Variants in PCDHGB4 observed in about 807,000 individuals in gnomAD.
PCDHGB4 encodes the protein protocadherin gamma-B4.
In PCDHGB4, 38 loss-of-function variants were observed where a neutral mutation model predicts 60.5. The ratio of observed to expected loss-of-function variants is 0.63; its 90% CI spans 0.48 to 0.82. The LOEUF is 0.82. Ranked by LOEUF, PCDHGB4 falls within the 40% of genes least tolerant of loss-of-function variation. The pLI is 0.00. For missense variants in PCDHGB4, 1,109 were observed against 1,209.6 expected (o/e 0.92, Z 1.23); for synonymous variants, 456 against 509.7 (o/e 0.89, Z 1.42).
Position 141,476,023 on chromosome 5 carries a change from G to A in PCDHGB4, c.2398-18784G>A. 1 of 1,415,690 alleles carries A rather than the reference G, an allele frequency of 7.1e-7. No homozygotes were observed. The highest frequency in any genetic ancestry group is 2.3e-5 in the Admixed American group (1 of 43,980). 87.7% of individuals were successfully genotyped at this position (1,415,690 alleles called of 1,614,324 possible). A position where few individuals can be genotyped will look rare whatever the true frequency, so the allele number is the denominator to read the frequency against. ...CATCCAGAAAGCCATGTCGGACTCG[G>A]CGCCCAGCGCCCAAGCGCTAACCCG... On this transcript the variant is annotated intron_variant, in intron 1 of 3. Coordinates refer to ENST00000519479, the MANE Select transcript of PCDHGB4 (RefSeq NM_003736.4). This position sits in a 1 kb window ranked among gnomAD's most constrained non-coding sequence, Gnocchi z 7.6.
intron 2 of PCDHGB4, among the ~76,000 whole-genome samples, chr5:141,496,104 G>A (rs950960102): frequency 6.8e-6 from 1 of 146,980 alleles, no homozygotes; most frequent in African/African-American, 2.5e-5. Context: ...CCAACACCCC[G>A]CTCTCTTCCT....
chr5:141,399,112 G>A, intron 1 of PCDHGB4: 1 of 1,613,794 alleles, frequency 6.2e-7, no homozygotes, highest in African/African-American at 1.3e-5. Context: ...ACAATGTACA[G>A]TTGAAATTAA....
At chr5:141,507,704 G>A (rs989196400) in intron 3 of PCDHGB4, among the ~76,000 whole-genome samples, 5 of 152,210 alleles carry the variant, frequency 3.3e-5, no homozygotes, top group African/African-American at 9.6e-5. Context: ...AGTATTTATG[G>A]CCCCAAACCC....
At chr5:141,445,070 A>G (rs185808898) in intron 1 of PCDHGB4, among the ~76,000 whole-genome samples, 30 of 152,306 alleles carry the variant, frequency 2.0e-4, no homozygotes, top group African/African-American at 7.2e-4. Context: ...TATATTTCTC[A>G]TTAAATTGTC....
intron 1 of PCDHGB4, among the ~76,000 whole-genome samples, chr5:141,453,974 T>C (rs1386640440): frequency 6.6e-6 from 1 of 152,242 alleles, no homozygotes; most frequent in Non-Finnish European, 1.5e-5. Flanking sequence ...CATGTAGTTG[T>C]GTTGCCTTCC....
intron 1 of PCDHGB4, chr5:141,415,797 C>G (rs940812419): frequency 3.9e-5 from 52 of 1,331,434 alleles, no homozygotes; most frequent in Non-Finnish European, 4.8e-5. Context: ...TTCACCTAGT[C>G]TCAATCAAGG....
rs546494803 is a variant in PCDHGB4 at position 141,425,207 on chromosome 5, G to C, written c.2397+34926G>C. Among the ~76,000 whole-genome samples, 7 of 152,120 alleles carry C rather than the reference G, an allele frequency of 4.6e-5. No homozygotes were observed. In the East Asian group the frequency reaches 1.2e-3, roughly 25 times the overall value. ...TCCAAACTGAGAAAAATGATGTAAG[G>C]CATTGTACTTTGACTGGAATTAGTT... On this transcript the variant is annotated intron_variant, in intron 1 of 3. Transcript: ENST00000519479.
intron 1 of PCDHGB4, among the ~76,000 whole-genome samples, chr5:141,481,194 T>C (rs74538051): frequency 0.017 from 2,576 of 152,298 alleles, 78 homozygotes; most frequent in African/African-American, 0.059. Context: ...CCAGGCCCAA[T>C]TTTTTTAAAA....
chr5:141,432,126 C>T lies in PCDHGB4; in HGVS notation c.2397+41845C>T. ...AACCCGCCGGTCTTCCCTCAGGCCTCCTATTCCGCTTATATCCCAGAGAAC... is the reference window on the plus strand; with the variant it reads ...AACCCGCCGGTCTTCCCTCAGGCCTTCTATTCCGCTTATATCCCAGAGAAC... On this transcript the variant is annotated intron_variant, in intron 1 of 3. Coordinates refer to ENST00000519479, the MANE Select transcript of PCDHGB4 (RefSeq NM_003736.4). This position sits in a 1 kb window ranked among gnomAD's most constrained non-coding sequence, Gnocchi z 6.0. The T allele has an allele frequency of 1.2e-6, 2 of 1,614,144 alleles. No homozygotes were observed. Among genetic ancestry groups the T allele is most frequent in the Non-Finnish European group, 1.7e-6 (2 of 1,180,028 alleles).
At chr5:141,411,161 A>G (rs2095470005) in intron 1 of PCDHGB4, 1 of 152,284 alleles carries the variant, frequency 6.6e-6, no homozygotes, top group Non-Finnish European at 1.5e-5. Context: ...AGTTCTGACT[A>G]TCGAACAGAA....
intron 2 of PCDHGB4, among the ~76,000 whole-genome samples, chr5:141,501,290 T>TACAC (rs55762287): frequency 0.051 from 6,975 of 136,060 alleles, 192 homozygotes; most frequent in African/African-American, 0.071. Context: ...TATTCCCTTA[T>TACAC]ACACACACAC....
At chr5:141,442,694 C>A (rs549307212) in intron 1 of PCDHGB4, among the ~76,000 whole-genome samples, 22 of 152,304 alleles carry the variant, frequency 1.4e-4, no homozygotes, top group Non-Finnish European at 3.1e-4. Flanking sequence ...GTCAGGCAGA[C>A]AAGAGTATCA....
intron 1 of PCDHGB4, chr5:141,412,431 G>GTTAA (rs1478574285): frequency 6.6e-6 from 1 of 152,132 alleles, no homozygotes; most frequent in African/African-American, 2.4e-5. Context: ...ACACAAAAAG[G>GTTAA]TTAATTAAGG....
chr5:141,409,751 C>G lies in PCDHGB4; in HGVS notation c.2397+19470C>G, dbSNP rs774810318. The G allele has an allele frequency of 1.5e-5, 25 of 1,613,000 alleles. No homozygotes were observed. In the Admixed American group the frequency reaches 4.0e-4, roughly 26 times the overall value. The stretch of plus-strand genomic sequence containing the variant: ...CGCGCAGAGCGGGGTGGTGTTCGCG[C>G]AGCGCGCCTTTGATCACGAGCAGCT... On this transcript the variant is annotated intron_variant, in intron 1 of 3. Coordinates refer to ENST00000519479, the MANE Select transcript of PCDHGB4 (RefSeq NM_003736.4).
chr5:141,476,926 T>G lies in PCDHGB4; in HGVS notation c.2398-17881T>G, dbSNP rs779017502. ...GCGTGGTACAAGTCCTTGCAACGGA[T>G]CTGGATGAAGGCCCCAACGGTGAAA... is the stretch of plus-strand genomic sequence containing the variant. On this transcript the variant is annotated intron_variant, in intron 1 of 3. Coordinates refer to ENST00000519479, the MANE Select transcript of PCDHGB4 (RefSeq NM_003736.4). The surrounding 1 kb of genome is among the most constrained non-coding windows in gnomAD (Gnocchi z 7.6). 1 of 1,614,072 alleles carries G rather than the reference T, an allele frequency of 6.2e-7. No homozygotes were observed. The highest frequency in any genetic ancestry group is 1.1e-5 in the South Asian group (1 of 91,092).
chr5:141,436,414 A>G (rs1459862288), intron 1 of PCDHGB4, among the ~76,000 whole-genome samples: 1 of 152,234 alleles, frequency 6.6e-6, no homozygotes, highest in East Asian at 1.9e-4. Flanking sequence ...ATGAATGGAT[A>G]AACAAATAAT....
At chr5:141,461,302 T>A (rs1009664719) in intron 1 of PCDHGB4, among the ~76,000 whole-genome samples, 3 of 152,142 alleles carry the variant, frequency 2.0e-5, no homozygotes. Flanking sequence ...CAACATCTAT[T>A]GTTTTTTGAC....
intron 1 of PCDHGB4, chr5:141,418,093 C>G: frequency 8.1e-6 from 13 of 1,614,032 alleles, no homozygotes; most frequent in Non-Finnish European, 1.1e-5. Flanking sequence ...TCAGCGTAGA[C>G]GCGCAGAGCG....
intron 1 of PCDHGB4, among the ~76,000 whole-genome samples, chr5:141,455,428 GA>G (rs2098822635): frequency 6.6e-6 from 1 of 152,176 alleles, no homozygotes; most frequent in Non-Finnish European, 1.5e-5. Context: ...GGCTCCAAAA[GA>G]GGAGGTCCCC....
Sources: allele counts gnomAD v4.1 joint callset (sites outside exome capture counted in the v4.1 genomes callset), GRCh38; gene constraint gnomAD v4.1.1; non-coding constraint Gnocchi (gnomAD v3.1); transcripts MANE v1.5; gene names NCBI Gene and HGNC (gene_info 2026-07-23, HGNC 2026-07-21).